PIEZO2: variants seen among roughly 807,000 people sequenced by gnomAD.
PIEZO2 encodes the protein piezo-type mechanosensitive ion channel component 2.
In PIEZO2, 172 loss-of-function variants were observed where a neutral mutation model predicts 337.3. The ratio of observed to expected loss-of-function variants is 0.51; its 90% CI spans 0.45 to 0.58. PIEZO2 has a LOEUF of 0.58. PIEZO2 is among the 20% of genes least tolerant of loss of function. The pLI is 0.00. For synonymous variants in PIEZO2, 1,251 were observed against 1,228.5 expected (o/e 1.02, Z -0.38); for missense variants, 3,028 against 3,391.3 (o/e 0.89, Z 2.66).
chr18:10,686,095 T>C (rs2034534264), intron 49 of PIEZO2, among the ~76,000 whole-genome samples: 1 of 152,210 alleles, frequency 6.6e-6, no homozygotes, highest in African/African-American at 2.4e-5. Context: ...CCTCTGGGCT[T>C]GCTTCTCTTT....
At chr18:10,970,659 T>TAC (rs2034200163) in intron 3 of PIEZO2, among the ~76,000 whole-genome samples, 1 of 117,234 alleles carries the variant, frequency 8.5e-6, no homozygotes, top group African/African-American at 4.1e-5. Flanking sequence ...AAAAAGATGT[T>TAC]TCACACACAC....
At chr18:10,818,054 G>T (rs1241368641) in intron 7 of PIEZO2, among the ~76,000 whole-genome samples, 2 of 149,526 alleles carry the variant, frequency 1.3e-5, no homozygotes, top group Non-Finnish European at 3.0e-5. Context: ...CTTATTTTTT[G>T]AGTTGTTTCT....
In PIEZO2 at chr18:10,855,313, G is replaced by A; in HGVS notation, c.917+40C>T. On this transcript the variant is annotated intron_variant, in intron 7 of 55. Transcript: ENST00000674853. This position sits in a 1 kb window ranked among gnomAD's most constrained non-coding sequence, Gnocchi z 4.9. ...AAACCAAGGTCCCAAAGGCGTGGGGGGACAACCTCTCCTGGAAATGCCATA... is the reference window on the plus strand; with the variant it reads ...AAACCAAGGTCCCAAAGGCGTGGGGAGACAACCTCTCCTGGAAATGCCATA... The A allele has an allele frequency of 6.7e-7, 1 of 1,483,100 alleles. No individual in the cohort carries two copies. The allele number at this position is 1,483,100 out of a possible 1,614,324, so 91.9% of individuals were successfully genotyped here.
chr18:10,804,144 A>G, intron 8 of PIEZO2, 150 bp from the exon 9 acceptor site: 1 of 906,354 alleles, frequency 1.1e-6, no homozygotes, highest in Non-Finnish European at 1.6e-6. Flanking sequence ...AGACACTTTA[A>G]AAAATGACAA....
intron 1 of PIEZO2, among the ~76,000 whole-genome samples, chr18:11,103,819 G>A (rs554084316): frequency 9.2e-5 from 14 of 151,896 alleles, no homozygotes; most frequent in African/African-American, 2.4e-4. Flanking sequence ...GCGTGTGTGC[G>A]TGTGTGCGTG....
chr18:10,683,289 G>A (rs531038999), intron 49 of PIEZO2, among the ~76,000 whole-genome samples: 4 of 152,370 alleles, frequency 2.6e-5, no homozygotes, highest in African/African-American at 4.8e-5. Context: ...TACAGGACAT[G>A]ACTACAGTGG....
chr18:10,675,339 C>T (rs773407588), intron 53 of PIEZO2, 51 bp from the exon 54 acceptor site: 2 of 1,193,974 alleles, frequency 1.7e-6, no homozygotes, highest in South Asian at 1.7e-5. Flanking sequence ...GTTTTACCCA[C>T]CTAAAATTGA....
rs559780194 is a variant in PIEZO2, at chr18:10,799,395, G to A, written c.1378+942C>T. ...TAACTGCTGTTTTGTAGAGGTGAGG[G>A]ACTAGTGTTGCCAGACCTTCACAGT... On this transcript the variant is annotated intron_variant, in intron 11 of 55. Coordinates refer to ENST00000674853, the MANE Select transcript of PIEZO2 (RefSeq NM_001378183.1). Among the ~76,000 whole-genome samples the A allele has an allele frequency of 3.3e-5, 5 of 152,338 alleles. No homozygotes were observed. The South Asian group carries it at 6.2e-4, about 19-fold the overall frequency.
At chr18:11,113,546 C>G (rs929701109) in intron 1 of PIEZO2, among the ~76,000 whole-genome samples, 1 of 152,204 alleles carries the variant, frequency 6.6e-6, no homozygotes, top group African/African-American at 2.4e-5. Context: ...TTGTTCACTC[C>G]TGCAATCCTC....
intron 2 of PIEZO2, among the ~76,000 whole-genome samples, chr18:11,044,927 C>A (rs780084176): frequency 1.3e-5 from 2 of 151,864 alleles, no homozygotes; most frequent in Non-Finnish European, 2.9e-5. Flanking sequence ...GGTGGGAGGA[C>A]TGCTTGAGCC....
At chr18:10,809,742 T>A (rs1395275368) in intron 7 of PIEZO2, among the ~76,000 whole-genome samples, 1 of 152,208 alleles carries the variant, frequency 6.6e-6, no homozygotes, top group Non-Finnish European at 1.5e-5. Context: ...CAGGATTGCA[T>A]CTTGATACTC....
rs189739039 is a variant in PIEZO2, at chr18:10,698,838, A to T, written c.6694+87T>A. 7.3e-4 allele frequency: 1,062 copies of T among 1,463,704 alleles called. 5 individuals are homozygous for T. The African/African-American group carries it at 0.013, about 18-fold the overall frequency. The allele number at this position is 1,463,704 out of a possible 1,614,324, so 90.7% of individuals were successfully genotyped here. ...TCTGTCTCTTGATAGCACCCAATAC[A>T]CTCCCTTGCCCCAGACCCACAGGCA... On this transcript the variant is annotated intron_variant, in intron 44 of 55. Coordinates refer to ENST00000674853, the MANE Select transcript of PIEZO2 (RefSeq NM_001378183.1).
chr18:10,742,729 T>C, intron 31 of PIEZO2, 114 bp from the exon 32 acceptor site: 1 of 1,128,598 alleles, frequency 8.9e-7, no homozygotes, highest in Non-Finnish European at 1.2e-6. Context: ...CAAACTACTT[T>C]GGAATACTTG....
chr18:10,723,684 T>G (rs1280816139), intron 36 of PIEZO2, among the ~76,000 whole-genome samples: 2 of 152,026 alleles, frequency 1.3e-5, no homozygotes, highest in East Asian at 1.9e-4. Flanking sequence ...CCAGGCAGTC[T>G]CTGGGGGGAG....
intron 39 of PIEZO2, among the ~76,000 whole-genome samples, 177 bp downstream of exon 39, chr18:10,714,587 C>T (rs972226944): frequency 6.6e-6 from 1 of 152,158 alleles, no homozygotes; most frequent in Non-Finnish European, 1.5e-5. Flanking sequence ...TTGGTTCCTT[C>T]TAGGTGAGGA....
rs1044279579 is a variant in PIEZO2 at position 10,689,918 on chromosome 18, C to T, written c.7350-116G>A. On this transcript the variant is annotated intron_variant, in intron 48 of 55. Coordinates refer to ENST00000674853, the MANE Select transcript of PIEZO2 (RefSeq NM_001378183.1). ...TTAACCTCATGACTCAGAAACAATTCTCTAGGTGACCCTTCCAGTAAAACC... is the reference window on the plus strand; with the variant it reads ...TTAACCTCATGACTCAGAAACAATTTTCTAGGTGACCCTTCCAGTAAAACC... 5 of 1,226,602 alleles carry T rather than the reference C, an allele frequency of 4.1e-6. No homozygotes were observed. In the African/African-American group the frequency reaches 6.2e-5, roughly 15 times the overall value. 76.0% of individuals were successfully genotyped at this position (1,226,602 alleles called of 1,614,324 possible).
rs949979003 is a variant in PIEZO2 at position 10,676,880 on chromosome 18, A to C, written c.8081+867T>G. 1.1e-4 allele frequency among the ~76,000 whole-genome samples: 16 copies of C among 152,200 alleles called. No homozygotes were observed. Among genetic ancestry groups the C allele is most frequent in the Non-Finnish European group, 2.4e-4 (16 of 68,040 alleles). ...GTGCAGTCCCATGTCCCATTCCTGAATAGGGCCCTTGGAGGCACCAATAGC... is the reference window on the plus strand; with the variant it reads ...GTGCAGTCCCATGTCCCATTCCTGACTAGGGCCCTTGGAGGCACCAATAGC... On this transcript the variant is annotated intron_variant, in intron 53 of 55. Transcript: ENST00000674853. This position sits in a 1 kb window ranked among gnomAD's most constrained non-coding sequence, Gnocchi z 5.1.
intron 30 of PIEZO2, among the ~76,000 whole-genome samples, chr18:10,744,945 G>A (rs1204418434): frequency 1.3e-5 from 2 of 152,234 alleles, no homozygotes; most frequent in East Asian, 3.8e-4. Flanking sequence ...TGCTTGGGCA[G>A]ATGGTTCTCT....
chr18:10,741,104 T>G lies in PIEZO2; in HGVS notation c.4637-2A>C. 1 of 1,534,084 alleles carries G rather than the reference T, an allele frequency of 6.5e-7. No individual in the cohort carries two copies. The highest frequency in any genetic ancestry group is 2.4e-5 in the East Asian group (1 of 40,882). ...TGGCTTTCTGTTTGTCTGCTTCTCC[T>G]AAAATAAAATACGTCCACATATTAA... On this transcript the variant is annotated splice_acceptor_variant, in intron 32 of 55. Transcript: ENST00000674853. LOFTEE classifies it high-confidence loss of function.
Sources: gnomAD v4.1 joint callset for allele counts (sites outside exome capture counted in the v4.1 genomes callset) on GRCh38, gnomAD v4.1.1 for gene constraint, Gnocchi (gnomAD v3.1) non-coding constraint, MANE v1.5 for transcripts, NCBI Gene and HGNC (gene_info 2026-07-23, HGNC 2026-07-21) for gene names.